The following ACER1 variants were observed in gnomAD, a reference collection of about 807,000 sequenced individuals.
ACER1 encodes the protein CTB-180A7.3.
A neutral mutation model predicts 24.9 loss-of-function variants in ACER1; 28 were observed. The ratio of observed to expected loss-of-function variants is 1.13; its 90% CI spans 0.83 to 1.54. The LOEUF is 1.54. Ranked by LOEUF, ACER1 falls within the 40% of genes most tolerant of loss-of-function variation. ACER1 has a pLI of 0.00. For synonymous variants in ACER1, 132 were observed against 131.4 expected (o/e 1.00, Z -0.03); for missense variants, 352 against 349.3 (o/e 1.01, Z -0.06).
chr19:6,312,796 C>T (rs1279037022), intron 1 of ACER1, among the ~76,000 whole-genome samples: 1 of 151,690 alleles, frequency 6.6e-6, no homozygotes, highest in African/African-American at 2.4e-5. Flanking sequence ...CTGTCTCAGA[C>T]TCCCGAGTAG....
chr19:6,339,596 G>T, the ACER1 span, among the ~76,000 whole-genome samples: 1 of 152,142 alleles, frequency 6.6e-6, no homozygotes, highest in Non-Finnish European at 1.5e-5. Context: ...TGCATTTGAT[G>T]ATTAAAATGA....
At chr19:6,317,884 A>G (rs2091611591) in intron 1 of ACER1, among the ~76,000 whole-genome samples, 1 of 151,964 alleles carries the variant, frequency 6.6e-6, no homozygotes, top group Admixed American at 6.6e-5. Flanking sequence ...CCTCCCGAGT[A>G]GCAGGGATTA....
At chr19:6,340,164 C>A in the ACER1 span, among the ~76,000 whole-genome samples, 2 of 151,108 alleles carry the variant, frequency 1.3e-5, no homozygotes, top group East Asian at 3.9e-4. Context: ...GCCTGTAATC[C>A]CAGCTACTCG....
chr19:6,318,653 G>T (rs1252400862), intron 1 of ACER1, among the ~76,000 whole-genome samples: 1 of 145,224 alleles, frequency 6.9e-6, no homozygotes, highest in Non-Finnish European at 1.5e-5. Context: ...GGGTGTGGTG[G>T]CAGGCGCCTG....
chr19:6,324,912 G>GA (rs1318452582), intron 1 of ACER1, among the ~76,000 whole-genome samples: 6 of 121,888 alleles, frequency 4.9e-5, no homozygotes, highest in African/African-American at 1.2e-4. Flanking sequence ...AGGAAGGAAG[G>GA]AGGAAGGAAG....
the ACER1 span, among the ~76,000 whole-genome samples, chr19:6,349,470 A>AAGGAAGGAAGGAAAGG: frequency 7.4e-6 from 1 of 134,934 alleles, no homozygotes; most frequent in African/African-American, 3.0e-5. Context: ...GGAAGGAAAG[A>AAGGAAGGAAGGAAAGG]AGGAAGGAAG....
Position 6,306,479 on chromosome 19 carries a change from G to C in ACER1, c.*235C>G, listed in dbSNP as rs1001065811. The C allele has an allele frequency of 2.1e-6, 1 of 485,552 alleles. No individual in the cohort carries two copies. The highest frequency in any genetic ancestry group is 3.7e-6 in the Non-Finnish European group (1 of 271,036). The allele number at this position is 485,552 out of a possible 1,614,324, so 30.1% of individuals were successfully genotyped here. ...GAGGAAATGAAAGAGGATGGGGGGG[G>C]TCATGGAGGGGAGATGCACGAGACA... On this transcript the variant is annotated 3_prime_UTR_variant, in exon 6 of 6. Transcript: ENST00000301452.
At position 6,306,882 on chromosome 19, in the gene ACER1, C is replaced by A; in HGVS notation, c.627G>T (p.Trp209Cys). Reference sequence around the variant, plus strand: ...GGAAGGTGATGCTGATGAGCACATGCCTGTGGAGTGCAGGGCGAAGGTGGC... The same window carrying A: ...GGAAGGTGATGCTGATGAGCACATGACTGTGGAGTGCAGGGCGAAGGTGGC... ...RIHFFYLHSI[W>C]HVLISITFPY... Residue 209 changes from tryptophan (W) to cysteine (C), a missense_variant and splice_region_variant, in exon 6 of 6, where the codon TGG becomes TGT. By Grantham distance (215) the Trp-to-Cys change is radical. Coordinates refer to ENST00000301452, the MANE Select transcript of ACER1 (RefSeq NM_133492.3). The A allele has an allele frequency of 6.2e-7, 1 of 1,611,326 alleles. No individual in the cohort carries two copies. The highest frequency in any genetic ancestry group is 1.1e-5 in the South Asian group (1 of 90,818).
Position 6,312,241 on chromosome 19 carries a change from CAGCTGGCCCAGGA to C in ACER1, c.245_257del (p.Phe82CysfsTer87), listed in dbSNP as rs1391910867. ...GCCACAGGATGGCGATCTCGTCCAG[CAGCTGGCCCAGGA>C]AGCTGAGCGTCATGTGGAAATACAT... On this transcript the variant is annotated frameshift_variant, in exon 3 of 6. Coordinates refer to ENST00000301452, the MANE Select transcript of ACER1 (RefSeq NM_133492.3). LOFTEE classifies it high-confidence loss of function. The C allele has an allele frequency of 6.2e-7, 1 of 1,614,064 alleles. No individual in the cohort carries two copies. Among genetic ancestry groups the C allele is most frequent in the Admixed American group, 1.7e-5 (1 of 60,002 alleles).
chr19:6,320,321 A>G (rs1195741589), intron 1 of ACER1, among the ~76,000 whole-genome samples: 1 of 151,990 alleles, frequency 6.6e-6, no homozygotes, highest in Non-Finnish European at 1.5e-5. Flanking sequence ...ACTTAATTGC[A>G]TGAATTAAAA....
the ACER1 span, among the ~76,000 whole-genome samples, chr19:6,349,466 A>AAAGAAGGAAGGAAGGG: frequency 7.2e-6 from 1 of 139,070 alleles, no homozygotes; most frequent in African/African-American, 2.8e-5. Flanking sequence ...GGAAGGAAGG[A>AAAGAAGGAAGGAAGGG]AAGAAGGAAG....
intron 1 of ACER1, among the ~76,000 whole-genome samples, chr19:6,330,730 C>A (rs951874397): frequency 6.7e-6 from 1 of 149,804 alleles, no homozygotes; most frequent in African/African-American, 2.5e-5. Context: ...ATCATCTCAG[C>A]CTCGTAGGAC....
chr19:6,312,484 AG>A lies in ACER1; in HGVS notation c.108del (p.Phe37SerfsTer7). On this transcript the variant is annotated frameshift_variant, in exon 2 of 6. Coordinates refer to ENST00000301452, the MANE Select transcript of ACER1 (RefSeq NM_133492.3). LOFTEE classifies it high-confidence loss of function. The stretch of plus-strand genomic sequence containing the variant: ...ATCATCAGTGGCCCGAAGATGAAGA[AG>A]GGGATATTGGAGAACTGGAGCAGAG... ...AEFYNTFSNIPFFIFGPLMML... is the reference protein window; with the variant it reads ...AEFYNTFSNIXFFIFGPLMML... The A allele has an allele frequency of 6.2e-7, 1 of 1,613,806 alleles. No homozygotes were observed. Among genetic ancestry groups the A allele is most frequent in the Non-Finnish European group, 8.5e-7 (1 of 1,179,912 alleles).
At chr19:6,312,003 G>A (rs2144998999) in intron 3 of ACER1, 146 bp downstream of exon 3, 1 of 1,133,748 alleles carries the variant, frequency 8.8e-7, no homozygotes, top group East Asian at 2.6e-5. Context: ...GGCAGGGTCA[G>A]GAGAAAACCC....
rs776047350 is a variant in ACER1 at position 6,312,443 on chromosome 19, CG to C, written c.149del (p.Pro50ArgfsTer18). The stretch of plus-strand genomic sequence containing the variant: ...TGTAGCGGGAGCGCTTCTGGGCATA[CG>C]GGTGCATCAGGAGCATCATCAGTGG... ...FGPLMMLLMH[P>X]YAQKRSRYIY... On this transcript the variant is annotated frameshift_variant, in exon 2 of 6. Coordinates refer to ENST00000301452, the MANE Select transcript of ACER1 (RefSeq NM_133492.3). LOFTEE classifies it high-confidence loss of function. 7 of 1,613,940 alleles carry C rather than the reference CG, an allele frequency of 4.3e-6. No homozygotes were observed. Among genetic ancestry groups the C allele is most frequent in the Non-Finnish European group, 5.9e-6 (7 of 1,180,008 alleles).
At chr19:6,343,782 A>T in the ACER1 span, 2 of 152,198 alleles carry the variant, frequency 1.3e-5, no homozygotes, top group African/African-American at 2.4e-5. Flanking sequence ...TATCCACTTT[A>T]CCCTGTGGGA....
rs764669714 is a variant in ACER1 at position 6,312,338 on chromosome 19, C to G, written c.208+47G>C. On this transcript the variant is annotated intron_variant, in intron 2 of 5. Coordinates refer to ENST00000301452, the MANE Select transcript of ACER1 (RefSeq NM_133492.3). The stretch of plus-strand genomic sequence containing the variant: ...TCAGTGGGGTCCGCCACCTCCTAAA[C>G]CCCCACTGCCTCCCGACTGTCACAG... 7 of 1,613,552 alleles carry G rather than the reference C, an allele frequency of 4.3e-6. No homozygotes were observed. The African/African-American group carries it at 8.0e-5, about 18-fold the overall frequency.
the ACER1 span, among the ~76,000 whole-genome samples, chr19:6,338,901 C>T: frequency 1.4e-5 from 2 of 141,114 alleles, no homozygotes; most frequent in African/African-American, 2.7e-5. Context: ...TTTTTAAGAC[C>T]GAGTCTCTTC....
At chr19:6,346,068 TAGA>T in the ACER1 span, among the ~76,000 whole-genome samples, 3 of 152,088 alleles carry the variant, frequency 2.0e-5, no homozygotes, top group African/African-American at 7.2e-5. Flanking sequence ...CATGACTTAC[TAGA>T]AGAAGGGTTG....
Sources: allele counts gnomAD v4.1 joint callset (sites outside exome capture counted in the v4.1 genomes callset), GRCh38; gene constraint gnomAD v4.1.1; transcripts MANE v1.5; gene names NCBI Gene and HGNC (gene_info 2026-07-23, HGNC 2026-07-21).